The following CPA6 variants were observed in gnomAD, a reference collection of about 807,000 sequenced individuals.
CPA6 encodes the protein carboxypeptidase A6.
In CPA6, 58 loss-of-function variants were observed where a neutral mutation model predicts 63.3. The observed-to-expected ratio is 0.92, with a 90% CI of 0.74 to 1.14. CPA6 has a LOEUF of 1.14. Ranked by LOEUF, CPA6 falls within the 50% of genes most tolerant of loss-of-function variation. The pLI, the probability that CPA6 is intolerant of heterozygous loss-of-function variation, is 0.00. For synonymous variants in CPA6, 185 were observed against 179.0 expected (o/e 1.03, Z -0.27); for missense variants, 565 against 526.6 (o/e 1.07, Z -0.71).
chr8:67,490,850 A>G (rs1811588350), intron 6 of CPA6, among the ~76,000 whole-genome samples: 1 of 136,352 alleles, frequency 7.3e-6, no homozygotes, highest in African/African-American at 2.6e-5. Context: ...ACGTGGTTGG[A>G]TGTTGCTTTC....
At position 67,708,121 on chromosome 8, in the gene CPA6, T is replaced by C. The variant is rs560202535; in HGVS notation, c.116+37893A>G. On this transcript the variant is annotated intron_variant, in intron 1 of 10. Transcript: ENST00000297770. ...TTACCCAACTCATACAGGTTTTTGA[T>C]GGCACAAACCCATGGCTAAGCTTAT... Among the ~76,000 whole-genome samples the C allele has an allele frequency of 7.2e-5, 11 of 152,290 alleles. No homozygotes were observed. In the South Asian group the frequency reaches 1.9e-3, roughly 26 times the overall value.
intron 2 of CPA6, among the ~76,000 whole-genome samples, chr8:67,589,761 G>C (rs1055815891): frequency 6.6e-6 from 1 of 151,986 alleles, no homozygotes; most frequent in African/African-American, 2.4e-5. Flanking sequence ...TCACTAGAAA[G>C]CTTCCCTATG....
chr8:67,736,222 T>C (rs1241049202), intron 1 of CPA6, among the ~76,000 whole-genome samples: 1 of 152,330 alleles, frequency 6.6e-6, no homozygotes, highest in East Asian at 1.9e-4. Context: ...CCACCTGGTG[T>C]AAAATATGAG....
chr8:67,706,976 G>T (rs1246325596), intron 1 of CPA6, among the ~76,000 whole-genome samples: 1 of 152,148 alleles, frequency 6.6e-6, no homozygotes, highest in Non-Finnish European at 1.5e-5. Context: ...TTTAGTATAT[G>T]TTATCAGTAA....
chr8:67,496,546 TATATA>T (rs1563976171), intron 6 of CPA6, among the ~76,000 whole-genome samples: 2,767 of 139,892 alleles, frequency 0.02, 142 homozygotes, highest in African/African-American at 0.07. Context: ...TATATATATA[TATATA>T]TATATATTTA....
Position 67,509,636 on chromosome 8 carries a change from A to C in CPA6, c.433-18T>G, listed in dbSNP as rs760077167. 1.4e-5 allele frequency: 18 copies of C among 1,303,736 alleles called. No individual in the cohort carries two copies. In the East Asian group the frequency reaches 4.2e-4, roughly 30 times the overall value. 80.8% of individuals were successfully genotyped at this position (1,303,736 alleles called of 1,614,324 possible). A position where few individuals can be genotyped will look rare whatever the true frequency, so the allele number is the denominator to read the frequency against. The stretch of plus-strand genomic sequence containing the variant: ...TTTTGAATCTAAGAGCAAATAAATA[A>C]AAACTATGTTAGACTCTCTCAAAAT... On this transcript the variant is annotated intron_variant, in intron 4 of 10. Transcript: ENST00000297770.
chr8:67,607,171 CTTCTTCTTCTT>C (rs1284903809), intron 2 of CPA6, among the ~76,000 whole-genome samples: 1 of 4,874 alleles, frequency 2.1e-4, no homozygotes. Context: ...TCTTCTTCCT[CTTCTTCTTCTT>C]CTTCTTCTTC....
At chr8:67,642,398 A>G (rs1321726609) in intron 1 of CPA6, among the ~76,000 whole-genome samples, 1 of 152,154 alleles carries the variant, frequency 6.6e-6, no homozygotes, top group Non-Finnish European at 1.5e-5. Flanking sequence ...TTAGAAAACA[A>G]TACTGTAAGG....
At position 67,459,569 on chromosome 8, in the gene CPA6, G is replaced by A. The variant is rs545252200; in HGVS notation, c.838+24199C>T. ...ATGACATTCTGGAAAAGGCAAAACC[G>A]TGAGGGAAGTAAAAGGATTCATGGT... On this transcript the variant is annotated intron_variant, in intron 8 of 10. Transcript: ENST00000297770. Among the ~76,000 whole-genome samples the A allele has an allele frequency of 5.3e-5, 8 of 152,338 alleles. No individual in the cohort carries two copies. In the South Asian group the frequency reaches 1.2e-3, roughly 24 times the overall value.
intron 1 of CPA6, among the ~76,000 whole-genome samples, chr8:67,651,905 G>A (rs369291030): frequency 2.5e-4 from 34 of 135,242 alleles, no homozygotes; most frequent in East Asian, 1.8e-3. Flanking sequence ...CCCCCACCCC[G>A]CAACAGTCCC....
intron 6 of CPA6, among the ~76,000 whole-genome samples, chr8:67,487,161 C>T (rs1358493966): frequency 2.0e-5 from 3 of 152,088 alleles, no homozygotes; most frequent in Non-Finnish European, 4.4e-5. Flanking sequence ...CCCATTAACT[C>T]GTCATTTACA....
intron 6 of CPA6, among the ~76,000 whole-genome samples, chr8:67,491,089 A>C (rs1306372176): frequency 1.3e-5 from 2 of 152,122 alleles, no homozygotes; most frequent in African/African-American, 4.8e-5. Flanking sequence ...ACCAGCCTCA[A>C]CTGGACGGGA....
intron 6 of CPA6, among the ~76,000 whole-genome samples, chr8:67,486,513 T>C (rs1811480821): frequency 6.6e-6 from 1 of 152,262 alleles, no homozygotes; most frequent in Non-Finnish European, 1.5e-5. Flanking sequence ...AATCGCTTAA[T>C]GACACATTTC....
intron 2 of CPA6, among the ~76,000 whole-genome samples, chr8:67,574,342 C>T (rs530392077): frequency 6.7e-6 from 1 of 149,204 alleles, no homozygotes; most frequent in East Asian, 2.0e-4. Context: ...TGCCACTGCA[C>T]TCCAGCCTGG....
intron 1 of CPA6, among the ~76,000 whole-genome samples, chr8:67,708,522 C>T (rs776022351): frequency 2.6e-5 from 4 of 152,152 alleles, no homozygotes; most frequent in Non-Finnish European, 5.9e-5. Flanking sequence ...CATCAAACTC[C>T]AGATGATCCC....
intron 3 of CPA6, among the ~76,000 whole-genome samples, chr8:67,513,447 A>G (rs1342068032): frequency 1.3e-5 from 2 of 152,166 alleles, no homozygotes. Flanking sequence ...ACCGTCACCA[A>G]AATCATCTAT....
chr8:67,595,682 C>T (rs796607892), intron 2 of CPA6, among the ~76,000 whole-genome samples: 27 of 152,318 alleles, frequency 1.8e-4, no homozygotes, highest in African/African-American at 2.6e-4. Context: ...TAGGACCTTC[C>T]GAGCCAGGTG....
At chr8:67,593,663 C>T (rs1361792965) in intron 2 of CPA6, among the ~76,000 whole-genome samples, 3 of 151,832 alleles carry the variant, frequency 2.0e-5, no homozygotes, top group Non-Finnish European at 4.4e-5. Flanking sequence ...CTCTTTTGAT[C>T]TTTGTTGGTT....
At chr8:67,589,079 C>T (rs966981379) in intron 2 of CPA6, among the ~76,000 whole-genome samples, 2 of 151,408 alleles carry the variant, frequency 1.3e-5, no homozygotes, top group Non-Finnish European at 1.5e-5. Flanking sequence ...GATTGCACCA[C>T]TGCACTCCGG....
Sources: allele counts gnomAD v4.1 joint callset (sites outside exome capture counted in the v4.1 genomes callset), GRCh38; gene constraint gnomAD v4.1.1; transcripts MANE v1.5; gene names NCBI Gene and HGNC (gene_info 2026-07-23, HGNC 2026-07-21).